The following GRM1 variants were observed in gnomAD, a reference collection of about 807,000 sequenced individuals.
The protein encoded by GRM1 is glutamate metabotropic receptor 1, also known as metabotropic glutamate receptor 1.
GRM1 carries 33 observed loss-of-function variants against 90.9 expected under a neutral mutation model. The observed-to-expected ratio is 0.36, with a 90% CI of 0.28 to 0.49. The LOEUF (loss-of-function observed/expected upper bound fraction) is 0.49. Ranked by LOEUF, GRM1 falls within the 20% of genes least tolerant of loss-of-function variation. The probability of loss-of-function intolerance (pLI) is 0.99; values close to 1 mark genes in which losing one functional copy is unlikely to be tolerated. For missense variants in GRM1, 1,190 were observed against 1,534.3 expected (o/e 0.78, Z 3.75); for synonymous variants, 700 against 613.2 (o/e 1.14, Z -2.09).
At chr6:146,202,684 T>C (rs2114618605) in intron 2 of GRM1, among the ~76,000 whole-genome samples, 1 of 152,324 alleles carries the variant, frequency 6.6e-6, no homozygotes, top group Non-Finnish European at 1.5e-5. Context: ...AATTATCTTC[T>C]TAGCACTCTC....
Position 146,352,234 on chromosome 6 carries a change from A to AT in GRM1, c.1187-11dup. 6.2e-7 allele frequency: 1 copy of AT among 1,612,772 alleles called. No homozygotes were observed. The highest frequency in any genetic ancestry group is 1.1e-5 in the South Asian group (1 of 90,832). ...ATCATTGTGACCTTGGTAGTGATCT[A>AT]TTTTTATTGTTACAGGCAATGAAAG... On this transcript the variant is annotated splice_polypyrimidine_tract_variant and intron_variant, in intron 3 of 7. Transcript: ENST00000282753.
At chr6:146,359,040 T>C (rs1213701935) in intron 5 of GRM1, among the ~76,000 whole-genome samples, 1 of 152,138 alleles carries the variant, frequency 6.6e-6, no homozygotes, top group Non-Finnish European at 1.5e-5. Context: ...CATGGGAAGG[T>C]TTGGCCAATG....
chr6:146,325,518 C>T (rs187528086), intron 3 of GRM1, among the ~76,000 whole-genome samples: 1 of 152,322 alleles, frequency 6.6e-6, no homozygotes, highest in Non-Finnish European at 1.5e-5. Flanking sequence ...ACACCTTACC[C>T]TAGGAATAAA....
intron 1 of GRM1, among the ~76,000 whole-genome samples, chr6:146,067,374 C>A (rs1344110086): frequency 6.6e-6 from 1 of 152,104 alleles, no homozygotes; most frequent in East Asian, 1.9e-4. Flanking sequence ...AGACACATTC[C>A]AACCACTATT....
chr6:146,077,818 T>C (rs1776238049), intron 1 of GRM1, among the ~76,000 whole-genome samples: 1 of 152,156 alleles, frequency 6.6e-6, no homozygotes, highest in African/African-American at 2.4e-5. Context: ...GAGGTAATTC[T>C]CTATTTCACT....
intron 1 of GRM1, among the ~76,000 whole-genome samples, chr6:146,134,262 T>C (rs1367047747): frequency 6.6e-6 from 1 of 152,222 alleles, no homozygotes; most frequent in African/African-American, 2.4e-5. Context: ...TTTTATTGTA[T>C]GCAAAATGGC....
At chr6:146,036,369 G>A (rs1790892330) in intron 1 of GRM1, among the ~76,000 whole-genome samples, 1 of 151,936 alleles carries the variant, frequency 6.6e-6, no homozygotes, top group Non-Finnish European at 1.5e-5. Flanking sequence ...TTTCAGAGAA[G>A]CTGTAGTTGA....
In GRM1 at chr6:146,162,311, T is replaced by TA. The variant is rs57903334; in HGVS notation, c.950+2723dup. Among the ~76,000 whole-genome samples the TA allele has an allele frequency of 5.0e-3, 755 of 151,656 alleles. 4 individuals carry two copies. The highest frequency in any genetic ancestry group is 0.017 in the African/African-American group (721 of 41,356). ...TAGATAGCAGCAGGAGAGATTTGGT[T>TA]AAAAAAAAATTAGGACTTTTTAAAT... On this transcript the variant is annotated intron_variant, in intron 2 of 7. Transcript: ENST00000282753.
At position 146,232,747 on chromosome 6, in the gene GRM1, C is replaced by T. The variant is rs559495824; in HGVS notation, c.951-71864C>T. Among the ~76,000 whole-genome samples the T allele has an allele frequency of 1.2e-3, 185 of 152,066 alleles. 1 individual carries two copies. The highest frequency in any genetic ancestry group is 4.1e-3 in the African/African-American group (170 of 41,524). On this transcript the variant is annotated intron_variant, in intron 2 of 7. Coordinates refer to ENST00000282753, the MANE Select transcript of GRM1 (RefSeq NM_001278064.2). ...GCTCACCTATATGAGTTTATTTTAC[C>T]TTAATTATCTCTGTTAAGGCCCTAT...
intron 1 of GRM1, among the ~76,000 whole-genome samples, chr6:146,136,428 C>A (rs191053746): frequency 1.3e-5 from 2 of 152,286 alleles, no homozygotes; most frequent in East Asian, 1.9e-4. Flanking sequence ...TCCTTCACAT[C>A]CTCACCAGCA....
intron 2 of GRM1, among the ~76,000 whole-genome samples, chr6:146,186,660 T>G (rs112548771): frequency 8.4e-4 from 128 of 152,364 alleles, no homozygotes; most frequent in Non-Finnish European, 1.2e-3. Flanking sequence ...ACTGCTTAAT[T>G]GCAAAGCCAC....
intron 2 of GRM1, among the ~76,000 whole-genome samples, chr6:146,261,406 G>A (rs1390800901): frequency 6.6e-6 from 1 of 152,098 alleles, no homozygotes; most frequent in African/African-American, 2.4e-5. Flanking sequence ...AGCATAGAGT[G>A]AAGGGAAGGA....
chr6:146,336,565 T>G (rs1329130468), intron 3 of GRM1, among the ~76,000 whole-genome samples: 1 of 152,168 alleles, frequency 6.6e-6, no homozygotes, highest in African/African-American at 2.4e-5. Flanking sequence ...AGATGGCAGC[T>G]GTGGGTTGAT....
At chr6:146,298,163 A>C (rs1425417918) in intron 2 of GRM1, among the ~76,000 whole-genome samples, 1 of 152,064 alleles carries the variant, frequency 6.6e-6, no homozygotes, top group Non-Finnish European at 1.5e-5. Flanking sequence ...CTTATTATTC[A>C]TGATACCTAC....
At chr6:146,293,952 AT>A (rs1783085340) in intron 2 of GRM1, among the ~76,000 whole-genome samples, 1 of 150,544 alleles carries the variant, frequency 6.6e-6, no homozygotes, top group Non-Finnish European at 1.5e-5. Flanking sequence ...GTTACATTAT[AT>A]TTTAATTTTA....
chr6:146,368,262 G>GT (rs1456023780), intron 5 of GRM1, among the ~76,000 whole-genome samples: 1 of 118,932 alleles, frequency 8.4e-6, no homozygotes, highest in Non-Finnish European at 1.7e-5. Context: ...TTTTTTTTTG[G>GT]GGGGGGGGGT....
intron 5 of GRM1, among the ~76,000 whole-genome samples, chr6:146,358,312 C>T (rs76343320): frequency 0.031 from 4,761 of 152,206 alleles, 232 homozygotes; most frequent in African/African-American, 0.11. Flanking sequence ...AAATCCTCGG[C>T]GGGGTGTGCT....
chr6:146,064,610 T>A (rs1485879465), intron 1 of GRM1, among the ~76,000 whole-genome samples: 1 of 152,014 alleles, frequency 6.6e-6, no homozygotes, highest in Non-Finnish European at 1.5e-5. Context: ...CACTAATTTT[T>A]AATTTCTCAC....
chr6:146,159,333 A>T lies in GRM1; in HGVS notation c.701-15A>T. On this transcript the variant is annotated splice_polypyrimidine_tract_variant and intron_variant, in intron 1 of 7. Coordinates refer to ENST00000282753, the MANE Select transcript of GRM1 (RefSeq NM_001278064.2). ...CCACAGTTGTCTTGAACATCTGCTG[A>T]TTGTTTCTGGACAGGGAATTATGGG... 2 of 1,614,028 alleles carry T rather than the reference A, an allele frequency of 1.2e-6. No homozygotes were observed. The highest frequency in any genetic ancestry group is 1.7e-6 in the Non-Finnish European group (2 of 1,179,878).
Sources: gnomAD v4.1 joint callset for allele counts (sites outside exome capture counted in the v4.1 genomes callset) on GRCh38, gnomAD v4.1.1 for gene constraint, MANE v1.5 for transcripts, NCBI Gene and HGNC (gene_info 2026-07-23, HGNC 2026-07-21) for gene names.